The following LETM1 variants were observed in gnomAD, a reference collection of about 807,000 sequenced individuals.
The protein encoded by LETM1 is leucine zipper and EF-hand containing transmembrane protein 1, also known as mitochondrial proton/calcium exchanger protein.
Under a neutral mutation model 74.5 loss-of-function variants are expected in LETM1, and 50 were observed. That is an observed-to-expected ratio of 0.67 (90% CI 0.53 to 0.85). LETM1 has a LOEUF of 0.85. Ranked by LOEUF, LETM1 falls within the 40% of genes least tolerant of loss-of-function variation. The pLI, the probability that LETM1 is intolerant of heterozygous loss-of-function variation, is 0.00. For missense variants in LETM1, 824 were observed against 967.8 expected (o/e 0.85, Z 1.97); for synonymous variants, 446 against 407.1 (o/e 1.10, Z -1.15).
In LETM1 at chr4:1,825,559, C is replaced by A; in HGVS notation, c.1200+5G>T. On this transcript the variant is annotated splice_donor_5th_base_variant and intron_variant, in intron 7 of 13. Coordinates refer to ENST00000302787, the MANE Select transcript of LETM1 (RefSeq NM_012318.3). ...CGGCCTGGCACCAGGCCAATATTCA[C>A]GCACCTGCTTCAGCTGACCCCTCAG... The A allele has an allele frequency of 3.1e-6, 5 of 1,609,018 alleles. No individual in the cohort carries two copies. The highest frequency in any genetic ancestry group is 4.3e-6 in the Non-Finnish European group (5 of 1,175,984).
intron 6 of LETM1, among the ~76,000 whole-genome samples, chr4:1,828,058 A>C (rs908341271): frequency 4.1e-4 from 31 of 75,302 alleles, no homozygotes; most frequent in African/African-American, 6.8e-4. Context: ...GACCCCCCCC[A>C]CCTCCCTCCC....
Position 1,814,346 on chromosome 4 carries a change from TCAC to T in LETM1, c.*75_*77del. 1 of 1,595,100 alleles carries T rather than the reference TCAC, an allele frequency of 6.3e-7. No individual in the cohort carries two copies. The highest frequency in any genetic ancestry group is 8.6e-7 in the Non-Finnish European group (1 of 1,167,646). On this transcript the variant is annotated 3_prime_UTR_variant, in exon 14 of 14. Transcript: ENST00000302787. The stretch of plus-strand genomic sequence containing the variant: ...AAAATATTAGATGAGCCACTGAGAA[TCAC>T]CACAAAGCAATCGCCCTCACGGCCC...
chr4:1,825,140 C>T (rs1437605843), intron 7 of LETM1, among the ~76,000 whole-genome samples: 2 of 152,322 alleles, frequency 1.3e-5, no homozygotes, highest in East Asian at 1.9e-4. Flanking sequence ...CAGCACAGGG[C>T]GTGGCCAAGA....
intron 2 of LETM1, among the ~76,000 whole-genome samples, chr4:1,848,366 G>A (rs1490436469): frequency 6.6e-6 from 1 of 152,006 alleles, no homozygotes; most frequent in African/African-American, 2.4e-5. Context: ...GGCTAACACG[G>A]TGAAACCCCA....
At chr4:1,853,799 G>A (rs77575755) in intron 1 of LETM1, among the ~76,000 whole-genome samples, 2,077 of 152,154 alleles carry the variant, frequency 0.014, 28 homozygotes, top group African/African-American at 0.033. Flanking sequence ...CACTCCACTC[G>A]GTGTATCACT....
chr4:1,843,170 A>G (rs1712763568), intron 2 of LETM1: 1 of 161,842 alleles, frequency 6.2e-6, no homozygotes, highest in Non-Finnish European at 1.4e-5. Flanking sequence ...AGACTGAGTA[A>G]TTTAACCTCT....
intron 6 of LETM1, among the ~76,000 whole-genome samples, chr4:1,829,051 A>C (rs1319601752): frequency 2.0e-5 from 1 of 50,706 alleles, no homozygotes; most frequent in African/African-American, 9.5e-5. Flanking sequence ...TGACCCCCCC[A>C]CCTCCCTCCT....
chr4:1,825,609 C>T lies in LETM1; in HGVS notation c.1155G>A (p.Arg385=). 6.2e-7 allele frequency: 1 copy of T among 1,613,980 alleles called. No homozygotes were observed. The highest frequency in any genetic ancestry group is 8.5e-7 in the Non-Finnish European group (1 of 1,179,952). ...LQAACRARGM[R]ALGVTEDRLR... is the part of the protein sequence containing the mutation. Reference sequence around the variant, plus strand: ...GGCGGTCTTCCGTGACGCCCAGGGCCCGCATGCCTCGTGCCCGACACGCTG... The same window carrying T: ...GGCGGTCTTCCGTGACGCCCAGGGCTCGCATGCCTCGTGCCCGACACGCTG... Residue 385 remains arginine, a synonymous_variant, in exon 7 of 14, where the codon CGG becomes CGA. Transcript: ENST00000302787.
chr4:1,852,835 A>G (rs1448094946), intron 1 of LETM1, among the ~76,000 whole-genome samples: 1 of 152,164 alleles, frequency 6.6e-6, no homozygotes, highest in Admixed American at 6.5e-5. Context: ...TGACAGAGCA[A>G]GACCCTGTCT....
At chr4:1,828,937 C>T (rs1202029062) in intron 6 of LETM1, among the ~76,000 whole-genome samples, 7 of 105,708 alleles carry the variant, frequency 6.6e-5, no homozygotes, top group Admixed American at 1.7e-4. Context: ...TAGGGGTGGC[C>T]GGGCAGAGGC....
intron 11 of LETM1, among the ~76,000 whole-genome samples, chr4:1,817,234 G>GAC (rs1711598169): frequency 9.2e-6 from 1 of 108,272 alleles, no homozygotes. Flanking sequence ...AACAGAGCGA[G>GAC]ACTCTGTCTC....
rs1312247940 is a variant in LETM1 at position 1,834,784 on chromosome 4, A to T, written c.876+61T>A. Reference sequence around the variant, plus strand: ...CACTCTGCTGAGCACAGCGAAAGGGAAACAGAAAATCAGGGAAGGCTCCCT... The same window carrying T: ...CACTCTGCTGAGCACAGCGAAAGGGTAACAGAAAATCAGGGAAGGCTCCCT... On this transcript the variant is annotated intron_variant, in intron 5 of 13. Transcript: ENST00000302787. This position sits in a 1 kb window ranked among gnomAD's most constrained non-coding sequence, Gnocchi z 5.0. The T allele has an allele frequency of 6.2e-7, 1 of 1,601,472 alleles. No individual in the cohort carries two copies. The highest frequency in any genetic ancestry group is 8.5e-7 in the Non-Finnish European group (1 of 1,172,118).
chr4:1,849,782 G>A (rs763670522), intron 1 of LETM1, among the ~76,000 whole-genome samples: 38 of 152,108 alleles, frequency 2.5e-4, no homozygotes, highest in Non-Finnish European at 4.4e-4. Context: ...TTTTGGCCTC[G>A]AGCGACCCTC....
At chr4:1,814,594 G>C (rs752065940) in intron 13 of LETM1, 21 bp from the exon 14 acceptor site, 1 of 1,610,314 alleles carries the variant, frequency 6.2e-7, no homozygotes, top group Non-Finnish European at 8.5e-7. Flanking sequence ...GGGAAAGGGA[G>C]AGGCTCAGGT....
At chr4:1,828,581 A>C (rs1429194720) in intron 6 of LETM1, among the ~76,000 whole-genome samples, 2 of 95,458 alleles carry the variant, frequency 2.1e-5, no homozygotes, top group African/African-American at 4.8e-5. Flanking sequence ...TCCCTCCTGG[A>C]CGGGGCGGCT....
At position 1,834,771 on chromosome 4, in the gene LETM1, C is replaced by A; in HGVS notation, c.876+74G>T. ...CCTGGGGGAGCTCCACTCTGCTGAG[C>A]ACAGCGAAAGGGAAACAGAAAATCA... On this transcript the variant is annotated intron_variant, in intron 5 of 13. Coordinates refer to ENST00000302787, the MANE Select transcript of LETM1 (RefSeq NM_012318.3). The surrounding 1 kb of genome is among the most constrained non-coding windows in gnomAD (Gnocchi z 5.0). 2 of 1,591,388 alleles carry A rather than the reference C, an allele frequency of 1.3e-6. No individual in the cohort carries two copies. Among genetic ancestry groups the A allele is most frequent in the Non-Finnish European group, 1.7e-6 (2 of 1,167,344 alleles).
chr4:1,819,571 C>T, intron 10 of LETM1, 99 bp from the exon 11 acceptor site: 4 of 1,362,682 alleles, frequency 2.9e-6, no homozygotes, highest in Non-Finnish European at 4.0e-6. Context: ...ACGGGCAGCC[C>T]AGGGCAAGAG....
rs893286266 is a variant in LETM1 at position 1,812,509 on chromosome 4, C to T, written c.*1915G>A. 1.3e-5 allele frequency: 2 copies of T among 152,194 alleles called. No homozygotes were observed. Among genetic ancestry groups the T allele is most frequent in the African/African-American group, 4.8e-5 (2 of 41,380 alleles). The allele number at this position is 152,194 out of a possible 1,614,324, so 9.4% of individuals were successfully genotyped here. On this transcript the variant is annotated 3_prime_UTR_variant, in exon 14 of 14. Coordinates refer to ENST00000302787, the MANE Select transcript of LETM1 (RefSeq NM_012318.3). Reference sequence around the variant, plus strand: ...AAAGGCCAAGACCGAGGGTCTGGCCCTGGGCAGGTGTAAGAAAGGACTGTT... The same window carrying T: ...AAAGGCCAAGACCGAGGGTCTGGCCTTGGGCAGGTGTAAGAAAGGACTGTT...
At chr4:1,843,815 C>A (rs1712787754) in intron 2 of LETM1, among the ~76,000 whole-genome samples, 1 of 152,150 alleles carries the variant, frequency 6.6e-6, no homozygotes, top group Non-Finnish European at 1.5e-5. Context: ...GGAAGGGGCC[C>A]CTGAATCCAT....
Sources: gnomAD v4.1 joint callset for allele counts (sites outside exome capture counted in the v4.1 genomes callset) on GRCh38, gnomAD v4.1.1 for gene constraint, Gnocchi (gnomAD v3.1) non-coding constraint, MANE v1.5 for transcripts, NCBI Gene and HGNC (gene_info 2026-07-23, HGNC 2026-07-21) for gene names.